RABEP1: variants seen among roughly 807,000 people sequenced by gnomAD.
RABEP1 encodes the protein rabaptin, RAB GTPase binding effector protein 1.
Under a neutral mutation model 123.4 loss-of-function variants are expected in RABEP1, and 51 were observed. The observed-to-expected ratio is 0.41, with a 90% CI of 0.33 to 0.52. The LOEUF (loss-of-function observed/expected upper bound fraction) is 0.52. Among genes scored for constraint, RABEP1 ranks in the 20% least tolerant of loss-of-function variants. The probability of loss-of-function intolerance (pLI) is 0.16; values close to 1 mark genes in which losing one functional copy is unlikely to be tolerated. For missense variants in RABEP1, 888 were observed against 996.3 expected (o/e 0.89, Z 1.46); for synonymous variants, 347 against 355.2 (o/e 0.98, Z 0.26).
intron 5 of RABEP1, among the ~76,000 whole-genome samples, chr17:5,341,615 T>C (rs1027013300): frequency 5.3e-5 from 8 of 152,190 alleles, no homozygotes; most frequent in Admixed American, 2.0e-4. Context: ...ATGAGACTAG[T>C]AGATCTTCAC....
At chr17:5,322,948 C>T (rs558612281) in intron 2 of RABEP1, among the ~76,000 whole-genome samples, 2 of 152,044 alleles carry the variant, frequency 1.3e-5, no homozygotes, top group Non-Finnish European at 2.9e-5. Context: ...TGGTGGTGCA[C>T]ACCTGCAATC....
chr17:5,301,194 C>T (rs2075132090), intron 1 of RABEP1, among the ~76,000 whole-genome samples: 1 of 152,106 alleles, frequency 6.6e-6, no homozygotes, highest in Non-Finnish European at 1.5e-5. Context: ...GATTCAGGAG[C>T]TAGACCTATA....
At chr17:5,339,847 T>C (rs1267726394) in intron 5 of RABEP1, among the ~76,000 whole-genome samples, 1 of 151,900 alleles carries the variant, frequency 6.6e-6, no homozygotes, top group African/African-American at 2.4e-5. Flanking sequence ...GATAAAAATA[T>C]ACCATGTAAA....
chr17:5,316,641 T>A (rs1416306421), intron 2 of RABEP1, among the ~76,000 whole-genome samples: 1 of 151,218 alleles, frequency 6.6e-6, no homozygotes, highest in Non-Finnish European at 1.5e-5. Flanking sequence ...AAGATCAGCC[T>A]GGCCATCGTG....
At chr17:5,330,992 C>G (rs1443960345) in intron 2 of RABEP1, among the ~76,000 whole-genome samples, 1 of 149,718 alleles carries the variant, frequency 6.7e-6, no homozygotes, top group Non-Finnish European at 1.5e-5. Flanking sequence ...TCACTGCACT[C>G]CAGCCTGTGC....
chr17:5,360,528 C>T (rs1323607669), intron 8 of RABEP1, among the ~76,000 whole-genome samples: 1 of 152,248 alleles, frequency 6.6e-6, no homozygotes, highest in Non-Finnish European at 1.5e-5. Context: ...CGCCACTGCA[C>T]TCCAGCCTGG....
intron 8 of RABEP1, among the ~76,000 whole-genome samples, chr17:5,359,985 ATAAAAT>A (rs1231018398): frequency 1.3e-5 from 2 of 152,260 alleles, no homozygotes. Flanking sequence ...TTCATGTAAC[ATAAAAT>A]TTAAAGTGTA....
Position 5,325,169 on chromosome 17 carries a change from C to A in RABEP1, c.164-6780C>A, listed in dbSNP as rs374116409. Among the ~76,000 whole-genome samples the A allele has an allele frequency of 1.3e-3, 189 of 150,336 alleles. 2 individuals carry two copies. The highest frequency in any genetic ancestry group is 3.6e-3 in the African/African-American group (146 of 41,016). On this transcript the variant is annotated intron_variant, in intron 2 of 17. Coordinates refer to ENST00000537505, the MANE Select transcript of RABEP1 (RefSeq NM_004703.6). The stretch of plus-strand genomic sequence containing the variant: ...CTCTACTAAAAAAGCAAAAACAAAC[C>A]AAAAAAAAACCCAAAAATTATCTAG...
At chr17:5,370,605 C>T (rs573478234) in intron 12 of RABEP1, among the ~76,000 whole-genome samples, 3 of 152,238 alleles carry the variant, frequency 2.0e-5, no homozygotes, top group African/African-American at 7.2e-5. Flanking sequence ...ATTCATTTGT[C>T]TGATTATCTC....
chr17:5,367,884 T>C (rs545581961), intron 11 of RABEP1, among the ~76,000 whole-genome samples: 81 of 150,704 alleles, frequency 5.4e-4, no homozygotes, highest in African/African-American at 1.9e-3. Context: ...GCCTCCCGAG[T>C]AGCTGGAATA....
chr17:5,358,562 C>T (rs1378509162), intron 8 of RABEP1, among the ~76,000 whole-genome samples: 1 of 151,992 alleles, frequency 6.6e-6, no homozygotes, highest in Non-Finnish European at 1.5e-5. Flanking sequence ...CCCAGCTACT[C>T]ACTGTGGCTG....
At chr17:5,372,676 T>C (rs774221357) in intron 12 of RABEP1, among the ~76,000 whole-genome samples, 63 of 152,190 alleles carry the variant, frequency 4.1e-4, no homozygotes, top group Non-Finnish European at 2.1e-4. Flanking sequence ...CTGTCTGATA[T>C]AGGTCTTGAT....
intron 1 of RABEP1, chr17:5,283,737 T>A (rs1320252922): frequency 3.3e-5 from 5 of 152,174 alleles, no homozygotes; most frequent in African/African-American, 2.4e-5. Flanking sequence ...AACCATGTTA[T>A]CAGATTTTAA....
chr17:5,357,980 C>A (rs754242641), intron 8 of RABEP1, among the ~76,000 whole-genome samples: 3 of 152,078 alleles, frequency 2.0e-5, no homozygotes, highest in Non-Finnish European at 4.4e-5. Context: ...CTGTCTGGAA[C>A]TGGCCCTGGG....
At position 5,322,361 on chromosome 17, in the gene RABEP1, G is replaced by GA. The variant is rs890384926; in HGVS notation, c.164-9580dup. Among the ~76,000 whole-genome samples the GA allele has an allele frequency of 7.3e-5, 11 of 150,264 alleles. No homozygotes were observed. In the South Asian group the frequency reaches 8.4e-4, roughly 11 times the overall value. On this transcript the variant is annotated intron_variant, in intron 2 of 17. Transcript: ENST00000537505. Reference sequence around the variant, plus strand: ...GGGTGACAGTGAAACTGTCTCAAAAGAAAAAAAAGAAAAGACCGTAAAAAG... The same window carrying GA: ...GGGTGACAGTGAAACTGTCTCAAAAGAAAAAAAAAGAAAAGACCGTAAAAAG...
chr17:5,383,176 C>T lies in RABEP1; in HGVS notation c.2542C>T (p.Leu848=). The T allele has an allele frequency of 6.2e-7, 1 of 1,614,134 alleles. No homozygotes were observed. Residue 848 remains leucine, a synonymous_variant, in exon 18 of 18, where the codon CTG becomes TTG. Coordinates refer to ENST00000537505, the MANE Select transcript of RABEP1 (RefSeq NM_004703.6). The part of the protein sequence containing the change: ...ADSLERIRAI[L]NDTKLTDINQ... ...CTCCTTGGAGAGAATCCGGGCAATT[C>T]TGAATGATACTAAACTGACAGACAT...
At chr17:5,338,172 C>A in intron 5 of RABEP1, 34 bp downstream of exon 5, 1 of 1,586,810 alleles carries the variant, frequency 6.3e-7, no homozygotes, top group South Asian at 1.2e-5. Context: ...TGCTTGAAAC[C>A]CAAGTTTCTG....
chr17:5,284,753 C>T (rs538712841), intron 1 of RABEP1, among the ~76,000 whole-genome samples: 2 of 151,802 alleles, frequency 1.3e-5, no homozygotes, highest in African/African-American at 2.4e-5. Flanking sequence ...GGTGTGAGCC[C>T]GTGAGTCCGG....
At chr17:5,299,644 C>T (rs1355994043) in intron 1 of RABEP1, among the ~76,000 whole-genome samples, 3 of 150,682 alleles carry the variant, frequency 2.0e-5, no homozygotes, top group Non-Finnish European at 4.4e-5. Flanking sequence ...TCTCTGCTGT[C>T]ATTGGGGTTT....
Sources: gnomAD v4.1 joint callset for allele counts (sites outside exome capture counted in the v4.1 genomes callset) on GRCh38, gnomAD v4.1.1 for gene constraint, MANE v1.5 for transcripts, NCBI Gene and HGNC (gene_info 2026-07-23, HGNC 2026-07-21) for gene names.